HTR2A: variants seen among roughly 807,000 people sequenced by gnomAD.
The protein encoded by HTR2A is 5-hydroxytryptamine receptor 2A.
HTR2A carries 14 observed loss-of-function variants against 31.0 expected under a neutral mutation model. The observed-to-expected ratio is 0.45, with a 90% CI of 0.30 to 0.71. The LOEUF is 0.71. Among genes scored for constraint, HTR2A ranks in the 30% least tolerant of loss-of-function variants. The probability of loss-of-function intolerance (pLI) is 0.09; values close to 1 mark genes in which losing one functional copy is unlikely to be tolerated. For missense variants in HTR2A, 442 were observed against 573.3 expected (o/e 0.77, Z 2.34); for synonymous variants, 209 against 225.2 (o/e 0.93, Z 0.64).
chr13:46,844,886 T>C (rs923071516), intron 3 of HTR2A, among the ~76,000 whole-genome samples: 1 of 152,232 alleles, frequency 6.6e-6, no homozygotes, highest in Non-Finnish European at 1.5e-5. Flanking sequence ...AGTGAGATGA[T>C]GAGTCTGAAT....
intron 3 of HTR2A, among the ~76,000 whole-genome samples, chr13:46,887,402 G>A (rs1281695278): frequency 8.4e-6 from 1 of 119,136 alleles, no homozygotes; most frequent in Non-Finnish European, 1.6e-5. Context: ...CAGCGGGGGC[G>A]ACAGAGTGAG....
rs1445476653 is a variant in HTR2A at position 46,896,752 on chromosome 13, G to GT, written c.-408dup. 36 of 1,535,248 alleles carry GT rather than the reference G, an allele frequency of 2.3e-5. No individual in the cohort carries two copies. Among genetic ancestry groups the GT allele is most frequent in the Non-Finnish European group, 3.1e-5 (35 of 1,145,116 alleles). ...CATCTCTCACAGTAATTAAACTGGT[G>GT]TAGAGTCCCCTCTTCTTGATCTTCC... On this transcript the variant is annotated 5_prime_UTR_variant, in exon 1 of 4. It removes the in-frame stop codon of an upstream open reading frame in the 5' UTR. Transcript: ENST00000542664.
chr13:46,834,655 C>G lies in HTR2A; in HGVS notation c.*182G>C. On this transcript the variant is annotated 3_prime_UTR_variant, in exon 4 of 4. Coordinates refer to ENST00000542664, the MANE Select transcript of HTR2A (RefSeq NM_000621.5). ...AGCTGAAATGCTGTCAGAACATTTT[C>G]CAAGCACACATTTTGTAGCATTGAA... 2 of 544,138 alleles carry G rather than the reference C, an allele frequency of 3.7e-6. No homozygotes were observed. The highest frequency in any genetic ancestry group is 6.4e-6 in the Non-Finnish European group (2 of 310,646). The allele number at this position is 544,138 out of a possible 1,614,324, so 33.7% of individuals were successfully genotyped here.
chr13:46,895,212 G>T lies in HTR2A; in HGVS notation c.412+283C>A. 3.1e-6 allele frequency: 1 copy of T among 323,202 alleles called. No homozygotes were observed. Among genetic ancestry groups the T allele is most frequent in the African/African-American group, 2.1e-5 (1 of 47,614 alleles). 20.0% of individuals were successfully genotyped at this position (323,202 alleles called of 1,614,324 possible). The stretch of plus-strand genomic sequence containing the variant: ...ATTTATAAAAATTTCTACATTAAAT[G>T]TACATGTTTTGAAGCACAAAACTCT... On this transcript the variant is annotated intron_variant, in intron 2 of 3. Coordinates refer to ENST00000542664, the MANE Select transcript of HTR2A (RefSeq NM_000621.5). This position sits in a 1 kb window ranked among gnomAD's most constrained non-coding sequence, Gnocchi z 4.4.
intron 3 of HTR2A, among the ~76,000 whole-genome samples, 189 bp from the exon 4 acceptor site, chr13:46,835,828 G>T (rs1439735771): frequency 2.0e-5 from 3 of 152,088 alleles, no homozygotes; most frequent in Non-Finnish European, 2.9e-5. Flanking sequence ...GTAGTTACTT[G>T]TATGTTATAT....
rs747429218 is a variant in HTR2A, at chr13:46,835,652, A to AGAAAAT, written c.614-19_614-14dup. ...GGCATGGATATACCTGGAGTTGAAC[A>AGAAAAT]GAAAATGAAACATGATTATTAAGGA... On this transcript the variant is annotated splice_polypyrimidine_tract_variant and intron_variant, in intron 3 of 3. Transcript: ENST00000542664. The AGAAAAT allele has an allele frequency of 1.7e-4, 274 of 1,577,076 alleles. 1 individual carries two copies. The highest frequency in any genetic ancestry group is 8.6e-6 in the Non-Finnish European group (10 of 1,156,874).
intron 3 of HTR2A, among the ~76,000 whole-genome samples, chr13:46,861,148 G>A (rs659734): frequency 0.92 from 139,618 of 152,214 alleles, 64,212 homozygotes; most frequent in East Asian, 1. Context: ...TTGAACTGAA[G>A]TCATAAACGG....
At chr13:46,884,025 C>T (rs774910168) in intron 3 of HTR2A, among the ~76,000 whole-genome samples, 10 of 152,160 alleles carry the variant, frequency 6.6e-5, no homozygotes, top group African/African-American at 1.9e-4. Flanking sequence ...ATGTGGTTAC[C>T]GAGGTGAAAA....
At chr13:46,875,947 C>T (rs2138233191) in intron 3 of HTR2A, among the ~76,000 whole-genome samples, 1 of 152,264 alleles carries the variant, frequency 6.6e-6, no homozygotes, top group Non-Finnish European at 1.5e-5. Context: ...AGTTCAACAG[C>T]TAAAAAGTCT....
chr13:46,885,403 A>T (rs1232059358), intron 3 of HTR2A, among the ~76,000 whole-genome samples: 1 of 152,166 alleles, frequency 6.6e-6, no homozygotes, highest in South Asian at 2.1e-4. Context: ...ACAATTTCAG[A>T]CTGTGGTTAA....
In HTR2A at chr13:46,895,760, A is replaced by T. The variant is rs749889591; in HGVS notation, c.147T>A (p.Ser49=). Residue 49 remains serine, a synonymous_variant, in exon 2 of 4, where the codon TCT becomes TCA. Transcript: ENST00000542664. This position sits in a 1 kb window ranked among gnomAD's most constrained non-coding sequence, Gnocchi z 4.4. Reference sequence around the variant, plus strand: ...CACAGGAAAGGTTGGTTCGATTTTCAGAGTCGACTGTCCAGTTAAATGCAT... The same window carrying T: ...CACAGGAAAGGTTGGTTCGATTTTCTGAGTCGACTGTCCAGTTAAATGCAT... ...TSDAFNWTVD[S]ENRTNLSCEG... is the part of the protein sequence containing the mutation. The T allele has an allele frequency of 3.1e-6, 5 of 1,614,228 alleles. No individual in the cohort carries two copies. The East Asian group carries it at 1.1e-4, about 36-fold the overall frequency.
At position 46,895,265 on chromosome 13, in the gene HTR2A, C is replaced by T. The variant is rs756110214; in HGVS notation, c.412+230G>A. 3.1e-4 allele frequency: 144 copies of T among 469,472 alleles called. No homozygotes were observed. Among genetic ancestry groups the T allele is most frequent in the Non-Finnish European group, 4.9e-4 (129 of 264,344 alleles). 29.1% of individuals were successfully genotyped at this position (469,472 alleles called of 1,614,324 possible). A position where few individuals can be genotyped will look rare whatever the true frequency, so the allele number is the denominator to read the frequency against. On this transcript the variant is annotated intron_variant, in intron 2 of 3. Transcript: ENST00000542664. This position sits in a 1 kb window ranked among gnomAD's most constrained non-coding sequence, Gnocchi z 4.4. Reference sequence around the variant, plus strand: ...AATGATCATTTTTACACAGGATGTACGCGTTTTGAAGCACAAAACTCTCCA... The same window carrying T: ...AATGATCATTTTTACACAGGATGTATGCGTTTTGAAGCACAAAACTCTCCA...
intron 3 of HTR2A, among the ~76,000 whole-genome samples, chr13:46,882,768 T>C (rs1008744786): frequency 2.0e-5 from 3 of 152,246 alleles, no homozygotes; most frequent in Non-Finnish European, 2.9e-5. Flanking sequence ...TTAACACTTA[T>C]ATGACAAACA....
chr13:46,850,534 C>T (rs919125092), intron 3 of HTR2A, among the ~76,000 whole-genome samples: 2 of 152,178 alleles, frequency 1.3e-5, no homozygotes, highest in Non-Finnish European at 2.9e-5. Context: ...CACACTTTCG[C>T]CATCAGGTAT....
intron 3 of HTR2A, among the ~76,000 whole-genome samples, chr13:46,857,991 C>A (rs1950751508): frequency 6.6e-6 from 1 of 152,116 alleles, no homozygotes; most frequent in Non-Finnish European, 1.5e-5. Flanking sequence ...GAGGCTGCTG[C>A]AGTAAGCAAG....
At chr13:46,856,858 T>C (rs1352411179) in intron 3 of HTR2A, among the ~76,000 whole-genome samples, 2 of 152,086 alleles carry the variant, frequency 1.3e-5, no homozygotes, top group African/African-American at 2.4e-5. Context: ...ACGATAACAG[T>C]CCCTGTTGTG....
In HTR2A at chr13:46,858,417, T is replaced by C. The variant is rs142857908; in HGVS notation, c.614-22778A>G. Among the ~76,000 whole-genome samples, 179 of 152,124 alleles carry C rather than the reference T, an allele frequency of 1.2e-3. 1 individual carries two copies. The highest frequency in any genetic ancestry group is 4.1e-3 in the African/African-American group (172 of 41,482). On this transcript the variant is annotated intron_variant, in intron 3 of 3. Transcript: ENST00000542664. ...CTGGGGAATGATGATGAGACTTACA[T>C]GCCATGAGGAATTGCAGGTAGTACA...
Position 46,835,503 on chromosome 13 carries a change from C to T in HTR2A, c.750G>A (p.Met250Ile), listed in dbSNP as rs1876418917. 6.2e-7 allele frequency: 1 copy of T among 1,613,946 alleles called. No homozygotes were observed. The highest frequency in any genetic ancestry group is 8.5e-7 in the Non-Finnish European group (1 of 1,179,960). ...FVSFFIPLTI[M>I]VITYFLTIKS... ...TGATAGTTAGAAAGTAGGTGATCACCATGATGGTTAAGGGAATGAAAAATG... is the reference window on the plus strand; with the variant it reads ...TGATAGTTAGAAAGTAGGTGATCACTATGATGGTTAAGGGAATGAAAAATG... Residue 250 changes from methionine to isoleucine, a missense_variant, in exon 4 of 4, where the codon ATG (methionine) becomes ATA (isoleucine). Met to Ile is a conservative substitution (Grantham distance 10, BLOSUM62 1). Transcript: ENST00000542664.
In HTR2A at chr13:46,896,661, C is replaced by T; in HGVS notation, c.-329+13G>A. ...ATTACACAGCAATAAAATATAGCGG[C>T]ATGAGAACTTACATTTGTCTTCAGG... On this transcript the variant is annotated intron_variant, in intron 1 of 3. Transcript: ENST00000542664. The T allele has an allele frequency of 2.0e-6, 3 of 1,509,766 alleles. No individual in the cohort carries two copies. The highest frequency in any genetic ancestry group is 2.5e-5 in the South Asian group (2 of 80,986). 93.5% of individuals were successfully genotyped at this position (1,509,766 alleles called of 1,614,324 possible).
Sources: allele counts gnomAD v4.1 joint callset (sites outside exome capture counted in the v4.1 genomes callset), GRCh38; gene constraint gnomAD v4.1.1; non-coding constraint Gnocchi (gnomAD v3.1); transcripts MANE v1.5; gene names NCBI Gene and HGNC (gene_info 2026-07-23, HGNC 2026-07-21).